The following C13orf42 variants were observed in gnomAD, a reference collection of about 807,000 sequenced individuals.
The protein encoded by C13orf42 is chromosome 13 open reading frame 42.
intron 1 of C13orf42, among the ~76,000 whole-genome samples, chr13:51,167,591 G>A (rs1001960218): frequency 1.3e-5 from 2 of 152,194 alleles, no homozygotes; most frequent in Non-Finnish European, 2.9e-5. Flanking sequence ...GTGCATGGGA[G>A]GGAGAAATAC....
intron 1 of C13orf42, among the ~76,000 whole-genome samples, chr13:51,135,819 C>A (rs529275234): frequency 2.2e-4 from 33 of 152,296 alleles, no homozygotes; most frequent in Non-Finnish European, 4.0e-4. Flanking sequence ...TGGTCAGAGG[C>A]AGTTCCTCTC....
intron 1 of C13orf42, among the ~76,000 whole-genome samples, chr13:51,108,688 G>A (rs529557727): frequency 3.6e-4 from 55 of 152,320 alleles, no homozygotes; most frequent in African/African-American, 1.3e-3. Context: ...ATTACTACCT[G>A]ACAGAAAAAC....
chr13:51,119,579 G>A (rs560939870), intron 1 of C13orf42, among the ~76,000 whole-genome samples: 2 of 152,264 alleles, frequency 1.3e-5, no homozygotes, highest in South Asian at 4.1e-4. Flanking sequence ...GCCTTAAAAG[G>A]GAAGGAAATT....
intron 1 of C13orf42, among the ~76,000 whole-genome samples, chr13:51,150,511 ATAT>A (rs1566139779): frequency 6.6e-6 from 1 of 152,178 alleles, no homozygotes; most frequent in Non-Finnish European, 1.5e-5. Context: ...ACCAAAACAT[ATAT>A]ATTCAGCCCA....
At chr13:51,108,148 G>A (rs1953381927) in intron 1 of C13orf42, among the ~76,000 whole-genome samples, 1 of 152,090 alleles carries the variant, frequency 6.6e-6, no homozygotes. Flanking sequence ...ATCTTCTTAT[G>A]AAAACACCAG....
intron 1 of C13orf42, among the ~76,000 whole-genome samples, chr13:51,116,622 A>G (rs1229268085): frequency 1.3e-5 from 2 of 152,256 alleles, no homozygotes; most frequent in African/African-American, 2.4e-5. Flanking sequence ...TTGTGAGAAA[A>G]TTCCATTTAG....
intron 1 of C13orf42, among the ~76,000 whole-genome samples, chr13:51,107,033 C>T (rs903579835): frequency 6.6e-6 from 1 of 152,156 alleles, no homozygotes; most frequent in Non-Finnish European, 1.5e-5. Flanking sequence ...GCAGAGACTC[C>T]CACCATGCAG....
chr13:51,166,276 GT>G lies in C13orf42; in HGVS notation n.136+5976del, dbSNP rs1156230986. 5.9e-5 allele frequency among the ~76,000 whole-genome samples: 9 copies of G among 151,830 alleles called. No individual in the cohort carries two copies. The East Asian group carries it at 1.4e-3, about 23-fold the overall frequency. ...ACTATGCAGCCATAAAAAATGATGA[GT>G]TCATGTCCTTTGTAGGGACATGGAT... On this transcript the variant is annotated intron_variant and non_coding_transcript_variant, in intron 1 of 4. Transcript: ENST00000433280.
chr13:51,085,012 G>GCAC (rs1035266487), intron 3 of C13orf42, among the ~76,000 whole-genome samples: 2 of 151,990 alleles, frequency 1.3e-5, no homozygotes, highest in Non-Finnish European at 2.9e-5. Context: ...TGCGTCAATG[G>GCAC]CACTGGGGGG....
chr13:51,106,829 G>A (rs1195876876), intron 1 of C13orf42, among the ~76,000 whole-genome samples: 2 of 152,048 alleles, frequency 1.3e-5, no homozygotes, highest in Non-Finnish European at 2.9e-5. Context: ...TTATGCCCTG[G>A]GTTAGAAATT....
chr13:51,162,435 C>T (rs1953873231), intron 1 of C13orf42: 1 of 152,476 alleles, frequency 6.6e-6, no homozygotes, highest in Non-Finnish European at 1.5e-5. Flanking sequence ...TTGACATTCT[C>T]CATCTTGTCA....
intron 1 of C13orf42, among the ~76,000 whole-genome samples, chr13:51,147,530 G>A (rs1953745682): frequency 6.6e-6 from 1 of 152,188 alleles, no homozygotes. Context: ...AGGAGTTCGA[G>A]ACGAGCCTGG....
chr13:51,163,026 T>C (rs1953878193), intron 1 of C13orf42, among the ~76,000 whole-genome samples: 1 of 152,200 alleles, frequency 6.6e-6, no homozygotes, highest in Admixed American at 6.5e-5. Context: ...TCACACTTCC[T>C]TTCTCTCTGA....
intron 2 of C13orf42, among the ~76,000 whole-genome samples, chr13:51,086,961 G>GAAC (rs369565522): frequency 3.3e-5 from 5 of 152,112 alleles, no homozygotes; most frequent in Non-Finnish European, 7.4e-5. Flanking sequence ...ATCAAGGCCA[G>GAAC]AACAACAACA....
chr13:51,124,528 ATCTT>A lies in C13orf42; in HGVS notation n.137-11310_137-11307del, dbSNP rs369660654. On this transcript the variant is annotated intron_variant and non_coding_transcript_variant, in intron 1 of 4. Coordinates refer to the C13orf42 transcript ENST00000433280. ...ATCACTTTCATCTGCTTCTCACTGA[ATCTT>A]CCTTTCCTGGAATCTCCTGCCTTTT... Among the ~76,000 whole-genome samples the A allele has an allele frequency of 1.8e-4, 28 of 152,232 alleles. No individual in the cohort carries two copies. The East Asian group carries it at 5.0e-3, about 27-fold the overall frequency.
intron 1 of C13orf42, among the ~76,000 whole-genome samples, chr13:51,147,443 G>A (rs1349770323): frequency 6.6e-6 from 1 of 152,216 alleles, no homozygotes; most frequent in African/African-American, 2.4e-5. Flanking sequence ...AAACGCAAGG[G>A]GTGAGGCCAG....
At chr13:51,122,057 G>T (rs1480329974) in intron 1 of C13orf42, among the ~76,000 whole-genome samples, 1 of 152,070 alleles carries the variant, frequency 6.6e-6, no homozygotes, top group African/African-American at 2.4e-5. Flanking sequence ...CAAATGTGTT[G>T]TTTTGAAGTC....
chr13:51,153,785 G>C (rs1953804414), intron 1 of C13orf42, among the ~76,000 whole-genome samples: 1 of 151,540 alleles, frequency 6.6e-6, no homozygotes, highest in African/African-American at 2.4e-5. Context: ...GGGACTACAG[G>C]TGCATTCCTA....
chr13:51,170,134 G>T (rs890462491), intron 1 of C13orf42, among the ~76,000 whole-genome samples: 2 of 152,080 alleles, frequency 1.3e-5, no homozygotes, highest in Non-Finnish European at 2.9e-5. Flanking sequence ...CTACCCGCCA[G>T]AGAACAAACC....
Sources: allele counts gnomAD v4.1 joint callset (sites outside exome capture counted in the v4.1 genomes callset), GRCh38; gene constraint gnomAD v4.1.1; transcripts MANE v1.5; gene names NCBI Gene and HGNC (gene_info 2026-07-23, HGNC 2026-07-21).